The following PKNOX2 variants were observed in gnomAD, a reference collection of about 807,000 sequenced individuals.
PKNOX2 encodes the protein homeobox protein PKNOX2.
In PKNOX2, 14 loss-of-function variants were observed where a neutral mutation model predicts 53.1. That is an observed-to-expected ratio of 0.26 (90% CI 0.17 to 0.41). The LOEUF (loss-of-function observed/expected upper bound fraction) is 0.41. Among genes scored for constraint, PKNOX2 ranks in the 10% least tolerant of loss-of-function variants. The pLI is 1.00. For synonymous variants in PKNOX2, 257 were observed against 242.8 expected (o/e 1.06, Z -0.54); for missense variants, 496 against 602.8 (o/e 0.82, Z 1.85).
At chr11:125,193,084 C>T (rs1956976683) in intron 1 of PKNOX2, among the ~76,000 whole-genome samples, 1 of 152,198 alleles carries the variant, frequency 6.6e-6, no homozygotes, top group South Asian at 2.1e-4. Context: ...GACGACCTGT[C>T]TCGCTAGATA....
intron 4 of PKNOX2, among the ~76,000 whole-genome samples, chr11:125,363,573 G>T (rs908122081): frequency 2.6e-5 from 4 of 152,124 alleles, no homozygotes; most frequent in Non-Finnish European, 4.4e-5. Flanking sequence ...GGTTGAAAAG[G>T]GACAGTCCTC....
intron 10 of PKNOX2, among the ~76,000 whole-genome samples, chr11:125,415,503 C>T (rs1468085119): frequency 1.3e-5 from 2 of 152,204 alleles, no homozygotes; most frequent in East Asian, 1.9e-4. Context: ...CCCACCTTGG[C>T]CTGCCATAGT....
chr11:125,194,244 T>A (rs1443557060), intron 1 of PKNOX2, among the ~76,000 whole-genome samples: 1 of 152,180 alleles, frequency 6.6e-6, no homozygotes, highest in African/African-American at 2.4e-5. Flanking sequence ...GAGAGAGCAG[T>A]CATCCCTTGC....
chr11:125,338,243 C>T (rs1390416934), intron 3 of PKNOX2, among the ~76,000 whole-genome samples: 1 of 152,226 alleles, frequency 6.6e-6, no homozygotes, highest in Non-Finnish European at 1.5e-5. Flanking sequence ...CACACACACA[C>T]AGCTTCTGCT....
At chr11:125,292,297 G>A (rs145468042) in intron 2 of PKNOX2, among the ~76,000 whole-genome samples, 1,709 of 152,210 alleles carry the variant, frequency 0.011, 14 homozygotes, top group Non-Finnish European at 0.017. Flanking sequence ...TGCTCTCTGG[G>A]GCTTGTGCCC....
intron 9 of PKNOX2, chr11:125,411,503 T>TCTCTCC (rs1555172700): frequency 7.9e-5 from 35 of 440,768 alleles, no homozygotes; most frequent in African/African-American, 6.0e-4. Flanking sequence ...TCTCTCTCTC[T>TCTCTCC]CTCTCTCCCC....
At chr11:125,379,055 C>CTTTTTTT (rs35310311) in intron 5 of PKNOX2, among the ~76,000 whole-genome samples, 3 of 124,444 alleles carry the variant, frequency 2.4e-5, no homozygotes, top group African/African-American at 3.2e-5. Context: ...TTTTCTTTCT[C>CTTTTTTT]TTTTTTTTTT....
rs373672970 is a variant in PKNOX2 at position 125,385,699 on chromosome 11, G to A, written c.376G>A (p.Asp126Asn). The A allele has an allele frequency of 1.8e-5, 29 of 1,613,542 alleles. No individual in the cohort carries two copies. The highest frequency in any genetic ancestry group is 2.3e-5 in the Non-Finnish European group (27 of 1,179,856). Residue 126 changes from aspartate to asparagine, a missense_variant, in exon 6 of 13, where the codon GAT becomes AAT. This residue lies in a region of PKNOX2 where 168 missense variants were observed against 178.4 expected (regional missense o/e 0.94). Transcript: ENST00000298282. ...ACAGGAGCACAAACCCTTCTTCAGC[G>A]ATGACCCAGAACTGGACAATCTGGT... ...QEQEHKPFFS[D>N]DPELDNLMVK...
At position 125,352,056 on chromosome 11, in the gene PKNOX2, C is replaced by A. The variant is rs901791957; in HGVS notation, c.87+664C>A. ...GCAACATGCCCCTCCTCAGCAGTGC[C>A]TTCTGGCTGTCTTCATGCTGCCTGC... is the stretch of plus-strand genomic sequence containing the variant. On this transcript the variant is annotated intron_variant, in intron 4 of 12. Transcript: ENST00000298282. The surrounding 1 kb of genome is among the most constrained non-coding windows in gnomAD (Gnocchi z 4.1). 3.3e-5 allele frequency among the ~76,000 whole-genome samples: 5 copies of A among 152,122 alleles called. No individual in the cohort carries two copies. The highest frequency in any genetic ancestry group is 1.2e-4 in the African/African-American group (5 of 41,416).
At chr11:125,407,335 C>T (rs890474600) in intron 7 of PKNOX2, among the ~76,000 whole-genome samples, 1 of 152,132 alleles carries the variant, frequency 6.6e-6, no homozygotes, top group African/African-American at 2.4e-5. Context: ...GGTGGCTCAC[C>T]CTCTGCCTTT....
At chr11:125,411,345 A>G (rs891320110) in intron 9 of PKNOX2, 2 of 357,084 alleles carry the variant, frequency 5.6e-6, no homozygotes, top group Middle Eastern at 9.6e-4. Context: ...ACAGCGATGG[A>G]TAGGAAAGTG....
At position 125,178,339 on chromosome 11, in the gene PKNOX2, C is replaced by T. The variant is rs534844363; in HGVS notation, c.-201+13563C>T. Among the ~76,000 whole-genome samples the T allele has an allele frequency of 2.0e-4, 30 of 151,816 alleles. No individual in the cohort carries two copies. In the South Asian group the frequency reaches 6.3e-3, roughly 32 times the overall value. ...CCAGCCTGACCAACAAGGAGAAATC[C>T]CGTCTCTACTAAAAATACAAAATTA... On this transcript the variant is annotated intron_variant, in intron 1 of 12. Transcript: ENST00000298282.
At chr11:125,204,442 A>ATGGCTAG (rs1938826457) in intron 1 of PKNOX2, among the ~76,000 whole-genome samples, 1 of 152,190 alleles carries the variant, frequency 6.6e-6, no homozygotes, top group Non-Finnish European at 1.5e-5. Flanking sequence ...TGAGTGGCAC[A>ATGGCTAG]TGGCTAGTGG....
intron 5 of PKNOX2, among the ~76,000 whole-genome samples, chr11:125,379,060 T>C (rs1953048123): frequency 6.6e-6 from 1 of 151,436 alleles, no homozygotes. Context: ...TTTCTCTTTT[T>C]TTTTTTTTTT....
chr11:125,383,317 G>A (rs1029470271), intron 5 of PKNOX2, among the ~76,000 whole-genome samples: 20 of 151,888 alleles, frequency 1.3e-4, no homozygotes, highest in Non-Finnish European at 2.8e-4. Flanking sequence ...TGCCTTACTT[G>A]TTGTGTTCTC....
At chr11:125,304,983 C>T (rs533971856) in intron 2 of PKNOX2, among the ~76,000 whole-genome samples, 1 of 152,138 alleles carries the variant, frequency 6.6e-6, no homozygotes, top group Admixed American at 6.5e-5. Flanking sequence ...TCCTTACACG[C>T]AAGGAAATGA....
intron 7 of PKNOX2, among the ~76,000 whole-genome samples, chr11:125,406,923 A>G (rs1396377864): frequency 6.9e-6 from 1 of 145,612 alleles, no homozygotes; most frequent in Non-Finnish European, 1.5e-5. Context: ...TGTCTAAAAA[A>G]AAAAAAAAAA....
At chr11:125,312,407 G>A (rs752814250) in intron 2 of PKNOX2, among the ~76,000 whole-genome samples, 6 of 152,354 alleles carry the variant, frequency 3.9e-5, no homozygotes, top group Non-Finnish European at 8.8e-5. Flanking sequence ...GCTGAAGCTG[G>A]CTGATTTTGA....
intron 2 of PKNOX2, among the ~76,000 whole-genome samples, chr11:125,305,446 C>T (rs1265320470): frequency 6.6e-6 from 1 of 152,190 alleles, no homozygotes; most frequent in East Asian, 1.9e-4. Flanking sequence ...CTTCATGCTT[C>T]AGAGAGCACG....
Sources: allele counts gnomAD v4.1 joint callset (sites outside exome capture counted in the v4.1 genomes callset), GRCh38; gene constraint gnomAD v4.1.1; regional missense constraint gnomAD v4.1.1; non-coding constraint Gnocchi (gnomAD v3.1); transcripts MANE v1.5; gene names NCBI Gene and HGNC (gene_info 2026-07-23, HGNC 2026-07-21).